The following SLC5A1 variants were observed in gnomAD, a reference collection of about 807,000 sequenced individuals.
SLC5A1 encodes sodium/glucose cotransporter 1.
A neutral mutation model predicts 73.5 loss-of-function variants in SLC5A1; 42 were observed. The ratio of observed to expected loss-of-function variants is 0.57; its 90% confidence interval spans 0.45 to 0.74. The LOEUF is 0.74. Among genes scored for constraint, SLC5A1 ranks in the 30% least tolerant of loss-of-function variants. The pLI is 0.00. For synonymous variants in SLC5A1, 300 were observed against 317.4 expected (o/e 0.95, Z 0.58); for missense variants, 634 against 855.4 (o/e 0.74, Z 3.23).
intron 5 of SLC5A1, among the ~76,000 whole-genome samples, chr22:32,074,441 C>A (rs569105892): frequency 9.2e-5 from 14 of 152,264 alleles, no homozygotes; most frequent in African/African-American, 3.1e-4. Context: ...GTGTTGTGTG[C>A]TGCTCCCTCT....
chr22:32,070,348 T>C (rs996919450), intron 5 of SLC5A1, among the ~76,000 whole-genome samples: 10 of 148,360 alleles, frequency 6.7e-5, no homozygotes, highest in African/African-American at 2.0e-4. Flanking sequence ...TTTTGTGAGA[T>C]AGGGTCTTGC....
At chr22:32,068,065 A>G in intron 4 of SLC5A1, 39 bp downstream of exon 4, 2 of 1,592,492 alleles carry the variant, frequency 1.3e-6, no homozygotes, top group Non-Finnish European at 1.7e-6. Context: ...CTGCTGGCAA[A>G]TGTATCTGTC....
Position 32,099,214 on chromosome 22 carries a change from A to G in SLC5A1, c.1312A>G (p.Ile438Val), listed in dbSNP as rs1311875008. The G allele has an allele frequency of 6.2e-7, 1 of 1,611,388 alleles. No homozygotes were observed. The highest frequency in any genetic ancestry group is 2.2e-5 in the East Asian group (1 of 44,668). ...LFILVLIGIS[I>V]AWVPIVQSAQ... ...TATCCTGGTGCTGATTGGCATCAGC[A>G]TCGCCTGGGTGCCCATTGTGCAGTC... The change falls in exon 12 of 15, where the codon ATC becomes GTC. Residue 438 changes from isoleucine (I) to valine (V), a missense_variant. Ile to Val is a conservative substitution (Grantham distance 29, BLOSUM62 3). This residue lies in a region of SLC5A1 where 422 missense variants were observed against 626.1 expected (regional missense o/e 0.67). Transcript: ENST00000266088.
intron 5 of SLC5A1, among the ~76,000 whole-genome samples, chr22:32,070,379 A>C (rs150704480): frequency 6.7e-6 from 1 of 149,804 alleles, no homozygotes; most frequent in Non-Finnish European, 1.5e-5. Flanking sequence ...AGACTGCCAG[A>C]CTGGAGTGCA....
At chr22:32,080,733 C>G (rs11703358) in intron 5 of SLC5A1, among the ~76,000 whole-genome samples, 1 of 152,200 alleles carries the variant, frequency 6.6e-6, no homozygotes, top group Non-Finnish European at 1.5e-5. Context: ...CAGTGGCTCA[C>G]GCCTGTAATC....
intron 2 of SLC5A1, among the ~76,000 whole-genome samples, chr22:32,055,405 T>C (rs1037453588): frequency 1.3e-5 from 2 of 152,184 alleles, no homozygotes; most frequent in Non-Finnish European, 2.9e-5. Flanking sequence ...GATCCAAGAT[T>C]AAATCTTTTC....
chr22:32,048,806 C>A (rs1362326693), intron 1 of SLC5A1, among the ~76,000 whole-genome samples: 2 of 152,154 alleles, frequency 1.3e-5, no homozygotes, highest in African/African-American at 4.8e-5. Context: ...TGCGGTGGCT[C>A]ACTCCTGTAT....
rs1479439100 is a variant in SLC5A1, at chr22:32,083,112, A to G, written c.622A>G (p.Thr208Ala). 6.2e-7 allele frequency: 1 copy of G among 1,614,176 alleles called. No homozygotes were observed. Among genetic ancestry groups the G allele is most frequent in the South Asian group, 1.1e-5 (1 of 91,082 alleles). The change falls in exon 7 of 15, where the codon ACG becomes GCG. Residue 208 changes from threonine to alanine, a missense_variant. Coordinates refer to ENST00000266088, the MANE Select transcript of SLC5A1 (RefSeq NM_000343.4). Reference sequence around the variant, plus strand: ...GGTGATTTACACGGACACCTTGCAGACGGTGATCATGCTGGTGGGGTCTTT... The same window carrying G: ...GGTGATTTACACGGACACCTTGCAGGCGGTGATCATGCTGGTGGGGTCTTT... ...AAVIYTDTLQ[T>A]VIMLVGSLIL...
intron 2 of SLC5A1, among the ~76,000 whole-genome samples, chr22:32,061,495 A>C (rs555969161): frequency 6.6e-6 from 1 of 152,288 alleles, no homozygotes; most frequent in African/African-American, 2.4e-5. Flanking sequence ...GAGGAGGCAC[A>C]AGGGGGAAAC....
intron 2 of SLC5A1, among the ~76,000 whole-genome samples, chr22:32,060,925 A>C (rs1187092034): frequency 1.3e-5 from 2 of 152,104 alleles, no homozygotes; most frequent in Non-Finnish European, 2.9e-5. Flanking sequence ...GCTTCCAAAG[A>C]GTGATGAAAA....
chr22:32,103,062 G>T (rs1030194824), intron 13 of SLC5A1, among the ~76,000 whole-genome samples: 3 of 152,068 alleles, frequency 2.0e-5, no homozygotes, highest in African/African-American at 7.2e-5. Context: ...TGATATACTG[G>T]TTTACTTTCT....
Position 32,065,702 on chromosome 22 carries a change from C to T in SLC5A1, c.208-1233C>T, listed in dbSNP as rs181020031. Among the ~76,000 whole-genome samples the T allele has an allele frequency of 5.0e-4, 76 of 152,322 alleles. 1 individual carries two copies. Among genetic ancestry groups the T allele is most frequent in the Middle Eastern group, 3.4e-3 (1 of 294 alleles). On this transcript the variant is annotated intron_variant, in intron 2 of 14. Coordinates refer to ENST00000266088, the MANE Select transcript of SLC5A1 (RefSeq NM_000343.4). ...GAGCAAATGTATTAATGCACCTGCACCAACCACTGTCTCCTCATTGTCATT... is the reference window on the plus strand; with the variant it reads ...GAGCAAATGTATTAATGCACCTGCATCAACCACTGTCTCCTCATTGTCATT...
Position 32,110,391 on chromosome 22 carries a change from C to A in SLC5A1, c.*178C>A. Reference sequence around the variant, plus strand: ...ACCATTAGTTTGCTGTTAATTTATGCATTTGAAGCCAGTGTGATACAGCCA... The same window carrying A: ...ACCATTAGTTTGCTGTTAATTTATGAATTTGAAGCCAGTGTGATACAGCCA... On this transcript the variant is annotated 3_prime_UTR_variant, in exon 15 of 15. Coordinates refer to ENST00000266088, the MANE Select transcript of SLC5A1 (RefSeq NM_000343.4). 3.0e-6 allele frequency: 2 copies of A among 656,212 alleles called. No individual in the cohort carries two copies. Among genetic ancestry groups the A allele is most frequent in the South Asian group, 3.4e-5 (2 of 58,360 alleles). 40.6% of individuals were successfully genotyped at this position (656,212 alleles called of 1,614,324 possible).
At chr22:32,080,651 C>T (rs1307180297) in intron 5 of SLC5A1, among the ~76,000 whole-genome samples, 2 of 152,158 alleles carry the variant, frequency 1.3e-5, no homozygotes, top group African/African-American at 4.8e-5. Flanking sequence ...ACAGTTCGTG[C>T]ATTCATTCCA....
intron 10 of SLC5A1, among the ~76,000 whole-genome samples, chr22:32,088,561 A>C (rs933797078): frequency 6.6e-6 from 1 of 150,868 alleles, no homozygotes; most frequent in East Asian, 1.9e-4. Context: ...CTGGTCTCAA[A>C]CTCCTGACCT....
At chr22:32,069,723 T>A (rs572528834) in intron 5 of SLC5A1, among the ~76,000 whole-genome samples, 1 of 152,296 alleles carries the variant, frequency 6.6e-6, no homozygotes, top group East Asian at 1.9e-4. Flanking sequence ...GCCCCAACTT[T>A]AGAGGCAGGC....
intron 5 of SLC5A1, among the ~76,000 whole-genome samples, chr22:32,074,723 CATT>C (rs2093988071): frequency 6.6e-6 from 1 of 152,202 alleles, no homozygotes; most frequent in South Asian, 2.1e-4. Flanking sequence ...CCATGACCAA[CATT>C]ATACTTACTC....
intron 5 of SLC5A1, among the ~76,000 whole-genome samples, chr22:32,076,387 G>C (rs189529897): frequency 4.8e-4 from 73 of 152,206 alleles, no homozygotes; most frequent in African/African-American, 1.7e-3. Context: ...AAAATTTCCC[G>C]GCATGTGCAT....
Position 32,043,443 on chromosome 22 carries a change from T to G in SLC5A1, c.135+27T>G, listed in dbSNP as rs1603097142. 1.2e-6 allele frequency: 2 copies of G among 1,611,466 alleles called. No individual in the cohort carries two copies. The highest frequency in any genetic ancestry group is 2.2e-5 in the South Asian group (2 of 90,640). ...TATGCAGCGGGTTCTGGGATGCGGG[T>G]GGGGAGGGTGCGCACAGAGGAGGAG... On this transcript the variant is annotated intron_variant, in intron 1 of 14. Coordinates refer to ENST00000266088, the MANE Select transcript of SLC5A1 (RefSeq NM_000343.4). The surrounding 1 kb of genome is among the most constrained non-coding windows in gnomAD (Gnocchi z 6.5).
Sources: gnomAD v4.1 joint callset for allele counts (sites outside exome capture counted in the v4.1 genomes callset) on GRCh38, gnomAD v4.1.1 for gene constraint, gnomAD v4.1.1 regional missense constraint, Gnocchi (gnomAD v3.1) non-coding constraint, MANE v1.5 for transcripts, NCBI Gene and HGNC (gene_info 2026-07-23, HGNC 2026-07-21) for gene names.